Variants in RANBP2 observed in about 807,000 individuals in gnomAD.
RANBP2 encodes the protein E3 SUMO-protein ligase RanBP2.
In RANBP2, 57 loss-of-function variants were observed where a neutral mutation model predicts 303.6. That is an observed-to-expected ratio of 0.19 (90% CI 0.15 to 0.23). The LOEUF (loss-of-function observed/expected upper bound fraction) is 0.23, where lower values mean the gene tolerates loss of function less well. RANBP2 is among the 10% of genes least tolerant of loss of function. RANBP2 has a pLI of 1.00. For synonymous variants in RANBP2, 1,167 were observed against 1,301.5 expected, an observed-to-expected ratio of 0.90 and a Z score of 2.23; for missense variants, 3,138 against 3,780.8, an observed-to-expected ratio of 0.83 and a Z score of 4.46.
At chr2:109,078,133 ATAGCGTG>A in the RANBP2 span, among the ~76,000 whole-genome samples, 435 of 72,430 alleles carry the variant, frequency 6.0e-3, 5 homozygotes, top group East Asian at 0.032. Flanking sequence ...GTATATATAT[ATAGCGTG>A]TATATATATA....
chr2:108,908,732 A>C, the RANBP2 span, among the ~76,000 whole-genome samples: 1 of 152,226 alleles, frequency 6.6e-6, no homozygotes, highest in Non-Finnish European at 1.5e-5. Flanking sequence ...ATGAAAAACA[A>C]TATTCTTTTT....
chr2:109,645,025 G>A, the RANBP2 span, among the ~76,000 whole-genome samples: 2 of 152,190 alleles, frequency 1.3e-5, no homozygotes, highest in East Asian at 1.9e-4. Context: ...TTTGCCTCCC[G>A]ACTGTGTGGC....
downstream of RANBP2, chr2:108,786,609 C>G: frequency 3.5e-6 from 2 of 573,590 alleles, no homozygotes; most frequent in African/African-American, 2.0e-5. Context: ...CAATACTACT[C>G]AGTTACGAGG....
the RANBP2 span, among the ~76,000 whole-genome samples, chr2:109,706,369 G>GA: frequency 1.3e-5 from 2 of 152,184 alleles, no homozygotes; most frequent in African/African-American, 4.8e-5. Flanking sequence ...CCAGTCCTTG[G>GA]AGAGGCCAGG....
the RANBP2 span, among the ~76,000 whole-genome samples, chr2:109,294,491 G>A: frequency 6.6e-6 from 1 of 151,590 alleles, no homozygotes; most frequent in East Asian, 1.9e-4. Flanking sequence ...AACCCAGGAG[G>A]TGGAGGTTGC....
At chr2:109,106,883 T>G in the RANBP2 span, among the ~76,000 whole-genome samples, 175 of 151,150 alleles carry the variant, frequency 1.2e-3, 2 homozygotes, top group African/African-American at 4.1e-3. Flanking sequence ...AATCCCTTAG[T>G]GTTTTTTCCA....
the RANBP2 span, among the ~76,000 whole-genome samples, chr2:109,019,468 C>T: frequency 5.3e-5 from 8 of 152,138 alleles, no homozygotes; most frequent in East Asian, 1.5e-3. Context: ...TCTGACATTG[C>T]TGGTCTTAGG....
At chr2:109,663,634 T>C in the RANBP2 span, among the ~76,000 whole-genome samples, 1 of 152,172 alleles carries the variant, frequency 6.6e-6, no homozygotes, top group Non-Finnish European at 1.5e-5. Context: ...CTCACAACTA[T>C]ATTAGGAAGA....
At chr2:108,966,890 A>T in the RANBP2 span, among the ~76,000 whole-genome samples, 4 of 152,082 alleles carry the variant, frequency 2.6e-5, no homozygotes, top group African/African-American at 9.7e-5. Context: ...ACAGAGAGGG[A>T]CCCTCTTTAC....
the RANBP2 span, among the ~76,000 whole-genome samples, chr2:109,383,807 C>T: frequency 1.3e-5 from 2 of 152,206 alleles, no homozygotes; most frequent in African/African-American, 2.4e-5. Context: ...CTTGGGACAT[C>T]AGCCGCATTT....
the RANBP2 span, among the ~76,000 whole-genome samples, chr2:108,986,625 C>T: frequency 6.6e-6 from 1 of 152,178 alleles, no homozygotes; most frequent in African/African-American, 2.4e-5. Context: ...GACAGTGAAC[C>T]TCTCTGAGCC....
chr2:109,701,614 A>C, the RANBP2 span, among the ~76,000 whole-genome samples: 2 of 152,158 alleles, frequency 1.3e-5, no homozygotes, highest in Admixed American at 6.5e-5. Flanking sequence ...AGAAGCAATC[A>C]GATACGCATG....
At chr2:109,319,964 G>T in the RANBP2 span, among the ~76,000 whole-genome samples, 4 of 152,360 alleles carry the variant, frequency 2.6e-5, no homozygotes, top group East Asian at 7.7e-4. Flanking sequence ...AGAAGTAAGA[G>T]AAGTCAGAGT....
the RANBP2 span, among the ~76,000 whole-genome samples, chr2:109,304,446 C>T: frequency 6.6e-6 from 1 of 151,996 alleles, no homozygotes; most frequent in African/African-American, 2.4e-5. Context: ...CTGAGTTGCC[C>T]CACGTTGTCT....
the RANBP2 span, among the ~76,000 whole-genome samples, chr2:109,041,926 G>A: frequency 3.9e-5 from 6 of 151,946 alleles, no homozygotes; most frequent in Admixed American, 3.9e-4. Flanking sequence ...TGTTAATGTG[G>A]TGAATTACAA....
At chr2:108,815,477 T>TG in the RANBP2 span, among the ~76,000 whole-genome samples, 5 of 143,234 alleles carry the variant, frequency 3.5e-5, no homozygotes, top group African/African-American at 1.3e-4. Flanking sequence ...TTTTTTTTTT[T>TG]TTTTTTTGAG....
the RANBP2 span, among the ~76,000 whole-genome samples, chr2:109,676,012 C>T: frequency 4.6e-5 from 7 of 152,250 alleles, no homozygotes; most frequent in Admixed American, 3.3e-4. Flanking sequence ...TATGCACCCG[C>T]GCTGTCCACA....
At chr2:109,714,965 G>T in the RANBP2 span, among the ~76,000 whole-genome samples, 10 of 131,656 alleles carry the variant, frequency 7.6e-5, no homozygotes, top group East Asian at 1.2e-3. Context: ...GGTTTTTTTT[G>T]GGGGGGTGGG....
At position 108,768,325 on chromosome 2, in the gene RANBP2, C is replaced by A. The variant is rs1370846604; in HGVS notation, c.7786C>A (p.Leu2596Ile). ...GTCTTCAGATAGCAAAGTCAAAAAT[C>A]TCTTTGCTTCCTTTCCAACGGAAGA... ...EQSSDSKVKN[L>I]FASFPTEESS... Residue 2596 changes from leucine to isoleucine, a missense_variant, in exon 20 of 29, where the codon CTC (leucine) becomes ATC (isoleucine). This residue lies in a region of RANBP2 where 497 missense variants were observed against 465.8 expected (regional missense o/e 1.07). Coordinates refer to ENST00000283195, the MANE Select transcript of RANBP2 (RefSeq NM_006267.5). The A allele has an allele frequency of 6.2e-7, 1 of 1,611,972 alleles. No individual in the cohort carries two copies.
Sources: gnomAD v4.1 joint callset for allele counts (sites outside exome capture counted in the v4.1 genomes callset) on GRCh38, gnomAD v4.1.1 for gene constraint, gnomAD v4.1.1 regional missense constraint, MANE v1.5 for transcripts, NCBI Gene and HGNC (gene_info 2026-07-23, HGNC 2026-07-21) for gene names.